The following SEMA3B variants were observed in gnomAD, a reference collection of about 807,000 sequenced individuals.
The protein encoded by SEMA3B is semaphorin-3B.
Under a neutral mutation model 77.8 loss-of-function variants are expected in SEMA3B, and 71 were observed. The ratio of observed to expected loss-of-function variants is 0.91; its 90% CI spans 0.75 to 1.11. The LOEUF is 1.11. Ranked by LOEUF, SEMA3B falls within the 50% of genes most tolerant of loss-of-function variation. The pLI, the probability that SEMA3B is intolerant of heterozygous loss-of-function variation, is 0.00. For synonymous variants in SEMA3B, 470 were observed against 452.9 expected, an observed-to-expected ratio of 1.04 and a Z score of -0.48; for missense variants, 968 against 1,056.8, an observed-to-expected ratio of 0.92 and a Z score of 1.17.
chr3:50,273,015 C>T lies in SEMA3B; in HGVS notation c.665-283C>T. The T allele has an allele frequency of 4.5e-6, 2 of 443,876 alleles. No homozygotes were observed. Among genetic ancestry groups the T allele is most frequent in the Non-Finnish European group, 8.1e-6 (2 of 246,006 alleles). The allele number at this position is 443,876 out of a possible 1,614,324, so 27.5% of individuals were successfully genotyped here. A position where few individuals can be genotyped will look rare whatever the true frequency, so the allele number is the denominator to read the frequency against. On this transcript the variant is annotated intron_variant, in intron 6 of 16. Coordinates refer to ENST00000616701, the MANE Select transcript of SEMA3B (RefSeq NM_001290060.2). The surrounding 1 kb of genome is among the most constrained non-coding windows in gnomAD (Gnocchi z 6.5). ...TCCTACCCCAGCCTAAGGTGCTGGG[C>T]GACGTGTGGGGCGAGATCGGAGGCT...
upstream of SEMA3B, among the ~76,000 whole-genome samples, chr3:50,266,020 C>T (rs1468921189): frequency 2.0e-5 from 3 of 151,838 alleles, 1 homozygote; most frequent in South Asian, 4.2e-4. Flanking sequence ...AAGATAATGG[C>T]GGTGGCGGGG....
chr3:50,276,961 C>T lies in SEMA3B; in HGVS notation c.*255C>T. On this transcript the variant is annotated 3_prime_UTR_variant, in exon 17 of 17. Transcript: ENST00000616701. The surrounding 1 kb of genome is among the most constrained non-coding windows in gnomAD (Gnocchi z 5.8). ...CAGCCGGAGGGAAGGGACGGGGAAGCCGAGCTCCAGAGCAACGACCAGGGC... is the reference window on the plus strand; with the variant it reads ...CAGCCGGAGGGAAGGGACGGGGAAGTCGAGCTCCAGAGCAACGACCAGGGC... 1 of 444,504 alleles carries T rather than the reference C, an allele frequency of 2.2e-6. No homozygotes were observed. The highest frequency in any genetic ancestry group is 3.9e-6 in the Non-Finnish European group (1 of 257,752). 27.5% of individuals were successfully genotyped at this position (444,504 alleles called of 1,614,324 possible). A position where few individuals can be genotyped will look rare whatever the true frequency, so the allele number is the denominator to read the frequency against.
rs782516986 is a variant in SEMA3B, at chr3:50,274,477, C to A, written c.1252C>A (p.Arg418Ser). 3.9e-6 allele frequency: 6 copies of A among 1,550,436 alleles called. No individual in the cohort carries two copies. The African/African-American group carries it at 6.9e-5, about 18-fold the overall frequency. Residue 418 changes from arginine to serine, a missense_variant, in exon 11 of 17, where the codon CGC (arginine) becomes AGC (serine). Physicochemically the swap from Arg to Ser is moderately radical, Grantham distance 110. Transcript: ENST00000616701. This position sits in a 1 kb window ranked among gnomAD's most constrained non-coding sequence, Gnocchi z 4.7. ...CAACTCTGTCCTGCCCACTGGGGGG[C>A]GCCCTCTTTTCCTACAAGTTGGAGC... ...MYNSVLPTGG[R>S]PLFLQVGANY...
At chr3:50,271,756 G>A (rs1427853583) in intron 6 of SEMA3B, among the ~76,000 whole-genome samples, 1 of 152,320 alleles carries the variant, frequency 6.6e-6, no homozygotes, top group East Asian at 1.9e-4. Flanking sequence ...GCTGGAGGGG[G>A]TTGGGTAAAG....
At position 50,274,874 on chromosome 3, in the gene SEMA3B, C is replaced by T. The variant is rs782645372; in HGVS notation, c.1389C>T (p.Val463=). ...DVGTVLKVIS[V]PKGSRPSAEG... is the part of the protein sequence containing the mutation. ...GCACGGTGCTGAAGGTGATCTCGGT[C>T]CCCAAGGGCAGTAGGCCCAGCGCAG... Residue 463 remains valine, a synonymous_variant, in exon 12 of 17, where the codon GTC becomes GTT. Transcript: ENST00000616701. The surrounding 1 kb of genome is among the most constrained non-coding windows in gnomAD (Gnocchi z 4.7). 4 of 1,611,054 alleles carry T rather than the reference C, an allele frequency of 2.5e-6. No homozygotes were observed. The highest frequency in any genetic ancestry group is 2.5e-6 in the Non-Finnish European group (3 of 1,179,790).
chr3:50,266,049 C>T (rs1035138410), upstream of SEMA3B, among the ~76,000 whole-genome samples: 3 of 151,992 alleles, frequency 2.0e-5, no homozygotes, highest in Non-Finnish European at 2.9e-5. Context: ...GATACCGTTT[C>T]CCAGAGTGAA....
In SEMA3B at chr3:50,276,335, C is replaced by G. The variant is rs587624682; in HGVS notation, c.1879C>G (p.Arg627Gly). Residue 627 changes from arginine (R) to glycine (G), a missense_variant, in exon 17 of 17, where the codon CGG becomes GGG. Arg to Gly is a moderately radical substitution (Grantham distance 125, BLOSUM62 -2). Transcript: ENST00000616701. This position sits in a 1 kb window ranked among gnomAD's most constrained non-coding sequence, Gnocchi z 5.8. The part of the protein sequence containing the change: ...LAEERTERTA[R>G]GLLLRRLRRR... Reference sequence around the variant, plus strand: ...AGAGGAGCGCACCGAGCGCACCGCCCGGGGACTACTGCTGCGCAGGCTGCG... The same window carrying G: ...AGAGGAGCGCACCGAGCGCACCGCCGGGGGACTACTGCTGCGCAGGCTGCG... 4.5e-5 allele frequency: 69 copies of G among 1,528,620 alleles called. No homozygotes were observed. In the African/African-American group the frequency reaches 6.7e-4, roughly 15 times the overall value. 94.7% of individuals were successfully genotyped at this position (1,528,620 alleles called of 1,614,324 possible).
Position 50,269,441 on chromosome 3 carries a change from C to A in SEMA3B, c.109+92C>A. ...GGGGGCTCTGTGTTGGCTGTTGCCC[C>A]ATGTGCGTGCCTGTCACCAGACTCT... On this transcript the variant is annotated intron_variant, in intron 1 of 16. Coordinates refer to ENST00000616701, the MANE Select transcript of SEMA3B (RefSeq NM_001290060.2). This position sits in a 1 kb window ranked among gnomAD's most constrained non-coding sequence, Gnocchi z 4.0. 1.3e-6 allele frequency: 1 copy of A among 748,374 alleles called. No individual in the cohort carries two copies. The highest frequency in any genetic ancestry group is 2.1e-6 in the Non-Finnish European group (1 of 475,702). 46.4% of individuals were successfully genotyped at this position (748,374 alleles called of 1,614,324 possible). A position where few individuals can be genotyped will look rare whatever the true frequency, so the allele number is the denominator to read the frequency against.
chr3:50,269,322 C>A lies in SEMA3B; in HGVS notation c.82C>A (p.Pro28Thr). The A allele has an allele frequency of 1.3e-6, 2 of 1,517,952 alleles. No individual in the cohort carries two copies. Among genetic ancestry groups the A allele is most frequent in the Middle Eastern group, 1.8e-4 (1 of 5,532 alleles). 94.0% of individuals were successfully genotyped at this position (1,517,952 alleles called of 1,614,324 possible). Residue 28 changes from proline (P) to threonine (T), a missense_variant, in exon 1 of 17, where the codon CCC (proline) becomes ACC (threonine). By Grantham distance (38) the Pro-to-Thr change is conservative. Coordinates refer to ENST00000616701, the MANE Select transcript of SEMA3B (RefSeq NM_001290060.2). This position sits in a 1 kb window ranked among gnomAD's most constrained non-coding sequence, Gnocchi z 4.0. ...AVGLGSAAPS[P>T]PRLRLSFQEL... ...GGGGCTGGGGAGTGCCGCCCCCAGC[C>A]CCCCACGCCTTCGGCTCTCCTTCCA...
chr3:50,275,080 T>A lies in SEMA3B; in HGVS notation c.1491+27T>A, dbSNP rs1559790365. 1 of 1,557,686 alleles carries A rather than the reference T, an allele frequency of 6.4e-7. No individual in the cohort carries two copies. Among genetic ancestry groups the A allele is most frequent in the Non-Finnish European group, 8.7e-7 (1 of 1,148,416 alleles). On this transcript the variant is annotated intron_variant, in intron 13 of 16. Coordinates refer to ENST00000616701, the MANE Select transcript of SEMA3B (RefSeq NM_001290060.2). This position sits in a 1 kb window ranked among gnomAD's most constrained non-coding sequence, Gnocchi z 7.5. ...TGAGTGACCAGGATGGGGGTCGGGG[T>A]GGGATGGACTGAGCTTGTGCCTGGC...
Position 50,270,652 on chromosome 3 carries a change from C to T in SEMA3B, c.330+157C>T, listed in dbSNP as rs1259708572. ...GGGGTGGTGAGTCAGGGTGGGGGCT[C>T]GTGTAATTCTTCTGGGGTGCCTCTG... On this transcript the variant is annotated intron_variant, in intron 3 of 16. Transcript: ENST00000616701. The surrounding 1 kb of genome is among the most constrained non-coding windows in gnomAD (Gnocchi z 4.7). The T allele has an allele frequency of 4.0e-5, 46 of 1,150,942 alleles. No individual in the cohort carries two copies. The highest frequency in any genetic ancestry group is 5.2e-5 in the Non-Finnish European group (43 of 822,418). 71.3% of individuals were successfully genotyped at this position (1,150,942 alleles called of 1,614,324 possible). A position where few individuals can be genotyped will look rare whatever the true frequency, so the allele number is the denominator to read the frequency against.
At chr3:50,271,555 G>A in intron 6 of SEMA3B, 75 bp downstream of exon 6, 3 of 1,541,516 alleles carry the variant, frequency 1.9e-6, no homozygotes, top group Non-Finnish European at 8.8e-7. Context: ...GGCCCATAAA[G>A]TAAGTGAGCA....
In SEMA3B at chr3:50,270,191, G is replaced by A; in HGVS notation, c.174G>A (p.Leu58=). Residue 58 remains leucine (L), a synonymous_variant, in exon 2 of 17, where the codon TTG becomes TTA. Transcript: ENST00000616701. The surrounding 1 kb of genome is among the most constrained non-coding windows in gnomAD (Gnocchi z 4.7). ...AGCGAACCTGCTGCTACCAGGCCTT[G>A]CTGGTGGATGAGGAGCGTGGACGCC... ...SLERTCCYQA[L]LVDEERGRLF... is the part of the protein sequence containing the mutation. 6.2e-7 allele frequency: 1 copy of A among 1,601,260 alleles called. No homozygotes were observed. Among genetic ancestry groups the A allele is most frequent in the South Asian group, 1.1e-5 (1 of 88,816 alleles).
chr3:50,264,235 C>G (rs1267211816), upstream of SEMA3B, among the ~76,000 whole-genome samples: 5 of 151,856 alleles, frequency 3.3e-5, no homozygotes, highest in African/African-American at 1.2e-4. Context: ...AAAAAAAGTA[C>G]TGGGGTGAGG....
At position 50,271,021 on chromosome 3, in the gene SEMA3B, T is replaced by TC; in HGVS notation, c.450+13dup. The TC allele has an allele frequency of 6.3e-7, 1 of 1,594,582 alleles. No individual in the cohort carries two copies. On this transcript the variant is annotated intron_variant, in intron 4 of 16. Transcript: ENST00000616701. ...GCCACCGGGCAGAGGTAAGGCCGGA[T>TC]CTAGGCAGGGAGGGAGGTCAGGAGG...
chr3:50,268,121 C>T (rs1262268206), upstream of SEMA3B, among the ~76,000 whole-genome samples: 1 of 152,130 alleles, frequency 6.6e-6, no homozygotes, highest in Non-Finnish European at 1.5e-5. Context: ...GAGGGAAGGC[C>T]AGCTCAGCGA....
Position 50,269,984 on chromosome 3 carries a change from GTGTAAACTCACACACA to G in SEMA3B, c.110-130_110-115del. 1 of 904,786 alleles carries G rather than the reference GTGTAAACTCACACACA, an allele frequency of 1.1e-6. No homozygotes were observed. Among genetic ancestry groups the G allele is most frequent in the Non-Finnish European group, 1.6e-6 (1 of 631,606 alleles). The allele number at this position is 904,786 out of a possible 1,614,324, so 56.0% of individuals were successfully genotyped here. On this transcript the variant is annotated intron_variant, in intron 1 of 16. Coordinates refer to ENST00000616701, the MANE Select transcript of SEMA3B (RefSeq NM_001290060.2). The surrounding 1 kb of genome is among the most constrained non-coding windows in gnomAD (Gnocchi z 4.0). ...CACCTGGGTGGGCTTGGGTTTGCGT[GTGTAAACTCACACACA>G]TGTAAACTCACATGTGTACAGGCCA...
In SEMA3B at chr3:50,275,611, C is replaced by A. The variant is rs782563855; in HGVS notation, c.1701C>A (p.Ser567=). The A allele has an allele frequency of 3.7e-6, 6 of 1,613,702 alleles. No individual in the cohort carries two copies. Among genetic ancestry groups the A allele is most frequent in the Non-Finnish European group, 5.1e-6 (6 of 1,179,868 alleles). Residue 567 remains serine, a synonymous_variant, in exon 15 of 17, where the codon TCC becomes TCA. Coordinates refer to ENST00000616701, the MANE Select transcript of SEMA3B (RefSeq NM_001290060.2). The surrounding 1 kb of genome is among the most constrained non-coding windows in gnomAD (Gnocchi z 7.5). Reference sequence around the variant, plus strand: ...ATGGCGACCCCAGCACGTTGTGCTCCGGAGGTGAGTGCCCCAGCTGCCCCT... The same window carrying A: ...ATGGCGACCCCAGCACGTTGTGCTCAGGAGGTGAGTGCCCCAGCTGCCCCT... The part of the protein sequence containing the change: ...VRNGDPSTLC[S]GDSSRPALLE...
chr3:50,262,924 C>T (rs1301625913), upstream of SEMA3B: 1 of 152,300 alleles, frequency 6.6e-6, no homozygotes. Flanking sequence ...CTGCTGGGTC[C>T]TGGGTTCTCC....
Sources: gnomAD v4.1 joint callset for allele counts (sites outside exome capture counted in the v4.1 genomes callset) on GRCh38, gnomAD v4.1.1 for gene constraint, Gnocchi (gnomAD v3.1) non-coding constraint, MANE v1.5 for transcripts, NCBI Gene and HGNC (gene_info 2026-07-23, HGNC 2026-07-21) for gene names.